UNC13C: variants seen among roughly 807,000 people sequenced by gnomAD.
The protein encoded by UNC13C is protein unc-13 homolog C.
Under a neutral mutation model 245.4 loss-of-function variants are expected in UNC13C, and 174 were observed. The observed-to-expected ratio is 0.71, with a 90% CI of 0.63 to 0.80. UNC13C has a LOEUF of 0.80. Ranked by LOEUF, UNC13C falls within the 30% of genes least tolerant of loss-of-function variation. UNC13C has a pLI of 0.00. For missense variants in UNC13C, 2,829 were observed against 2,602.9 expected (o/e 1.09, Z -1.89); for synonymous variants, 992 against 895.1 (o/e 1.11, Z -1.93).
At chr15:54,191,428 A>G (rs2034178952) in intron 4 of UNC13C, among the ~76,000 whole-genome samples, 1 of 151,930 alleles carries the variant, frequency 6.6e-6, no homozygotes, top group African/African-American at 2.4e-5. Flanking sequence ...TATGTGCCAC[A>G]TTTTCTTTAT....
chr15:54,018,948 T>C (rs2141000473), intron 2 of UNC13C, among the ~76,000 whole-genome samples: 1 of 152,306 alleles, frequency 6.6e-6, no homozygotes, highest in Middle Eastern at 3.4e-3. Context: ...AACTTTAAAG[T>C]CAAATCCAAA....
At chr15:54,037,447 T>A (rs1168958883) in intron 2 of UNC13C, among the ~76,000 whole-genome samples, 8 of 152,068 alleles carry the variant, frequency 5.3e-5, no homozygotes, top group Non-Finnish European at 8.8e-5. Context: ...TAAAAAAAAA[T>A]TGTCCAAAAG....
At chr15:54,554,415 T>C (rs982016191) in intron 28 of UNC13C, among the ~76,000 whole-genome samples, 1 of 152,082 alleles carries the variant, frequency 6.6e-6, no homozygotes, top group South Asian at 2.1e-4. Flanking sequence ...CCAAGCCGTA[T>C]GTGTTAACTT....
chr15:54,607,279 C>G (rs1027203924), intron 30 of UNC13C, among the ~76,000 whole-genome samples: 1 of 152,162 alleles, frequency 6.6e-6, no homozygotes, highest in African/African-American at 2.4e-5. Context: ...CCACAGATCA[C>G]AGGGATATAC....
chr15:54,423,714 G>A (rs964643916), intron 19 of UNC13C, among the ~76,000 whole-genome samples: 7 of 151,796 alleles, frequency 4.6e-5, no homozygotes, highest in Admixed American at 3.9e-4. Flanking sequence ...GAAAACAAGG[G>A]AACAGAGCTA....
chr15:54,436,757 C>G (rs145752169), intron 19 of UNC13C, among the ~76,000 whole-genome samples: 1 of 151,878 alleles, frequency 6.6e-6, no homozygotes, highest in African/African-American at 2.4e-5. Context: ...GTGCAGCAAA[C>G]CACCATGGCA....
chr15:54,351,998 G>A (rs75163803), intron 17 of UNC13C, among the ~76,000 whole-genome samples: 2,175 of 151,722 alleles, frequency 0.014, 26 homozygotes, highest in Non-Finnish European at 0.019. Context: ...AAGTAGTGTA[G>A]AAACATAAGT....
intron 4 of UNC13C, among the ~76,000 whole-genome samples, chr15:54,202,071 CA>C (rs112377320): frequency 5.4e-5 from 8 of 149,476 alleles, no homozygotes; most frequent in East Asian, 2.0e-4. Flanking sequence ...ACAGTAGCTG[CA>C]AAAAAAAATT....
At chr15:54,093,342 A>C (rs1042616828) in intron 2 of UNC13C, among the ~76,000 whole-genome samples, 5 of 152,178 alleles carry the variant, frequency 3.3e-5, no homozygotes, top group Non-Finnish European at 7.4e-5. Flanking sequence ...GCTTAGTTTT[A>C]TGTTGACTTA....
intron 26 of UNC13C, among the ~76,000 whole-genome samples, chr15:54,536,248 C>T (rs1223935747): frequency 1.3e-5 from 2 of 151,820 alleles, no homozygotes; most frequent in Non-Finnish European, 2.9e-5. Flanking sequence ...GAATAAATTC[C>T]CAGAAACATA....
intron 4 of UNC13C, among the ~76,000 whole-genome samples, chr15:54,148,922 T>G (rs2141247040): frequency 6.6e-6 from 1 of 152,222 alleles, no homozygotes; most frequent in Admixed American, 6.5e-5. Context: ...GAAGGAGCCG[T>G]TGTCTTTTAT....
intron 2 of UNC13C, among the ~76,000 whole-genome samples, chr15:54,047,160 A>T (rs1897073887): frequency 6.6e-6 from 1 of 152,122 alleles, no homozygotes; most frequent in African/African-American, 2.4e-5. Context: ...TCACAAATTC[A>T]GACTTCAGGG....
chr15:54,457,935 T>A (rs1255921065), intron 19 of UNC13C, among the ~76,000 whole-genome samples: 1 of 144,692 alleles, frequency 6.9e-6, no homozygotes, highest in Admixed American at 7.1e-5. Context: ...TGGATTTGGG[T>A]TTAGTTCGTT....
At chr15:54,527,510 C>G (rs1185702331) in intron 25 of UNC13C, among the ~76,000 whole-genome samples, 1 of 152,080 alleles carries the variant, frequency 6.6e-6, no homozygotes, top group Admixed American at 6.5e-5. Context: ...TGTAAAATAT[C>G]TAAATCATTC....
At chr15:54,407,308 T>C (rs1237471084) in intron 18 of UNC13C, among the ~76,000 whole-genome samples, 4 of 152,076 alleles carry the variant, frequency 2.6e-5, no homozygotes, top group South Asian at 2.1e-4. Context: ...GCAAATTCCA[T>C]AGGTAGACCA....
At chr15:54,045,749 G>A (rs567751807) in intron 2 of UNC13C, among the ~76,000 whole-genome samples, 4 of 152,110 alleles carry the variant, frequency 2.6e-5, no homozygotes, top group South Asian at 2.1e-4. Context: ...GAAATACTTC[G>A]AGATTCTGAG....
intron 10 of UNC13C, among the ~76,000 whole-genome samples, chr15:54,284,691 A>C (rs2037095750): frequency 6.6e-6 from 1 of 152,168 alleles, no homozygotes; most frequent in African/African-American, 2.4e-5. Flanking sequence ...GTTCGCTGAT[A>C]TCTCTCTTCT....
intron 19 of UNC13C, among the ~76,000 whole-genome samples, chr15:54,443,267 T>G (rs979482917): frequency 1.3e-5 from 2 of 152,128 alleles, no homozygotes; most frequent in African/African-American, 4.8e-5. Context: ...TGTCTCTTTT[T>G]TCAATTTTGA....
the UNC13C span, among the ~76,000 whole-genome samples, chr15:53,962,571 A>G: frequency 1.3e-5 from 2 of 152,196 alleles, no homozygotes; most frequent in African/African-American, 2.4e-5. Context: ...TGATTCCCTT[A>G]GCCCTAATAG....
Sources: allele counts gnomAD v4.1 joint callset (sites outside exome capture counted in the v4.1 genomes callset), GRCh38; gene constraint gnomAD v4.1.1; transcripts MANE v1.5; gene names NCBI Gene and HGNC (gene_info 2026-07-23, HGNC 2026-07-21).